The following OSBPL3 variants were observed in gnomAD, a reference collection of about 807,000 sequenced individuals.
OSBPL3 encodes oxysterol-binding protein-related protein 3.
OSBPL3 carries 65 observed loss-of-function variants against 120.1 expected under a neutral mutation model. The ratio of observed to expected loss-of-function variants is 0.54; its 90% CI spans 0.44 to 0.67. OSBPL3 has a LOEUF of 0.67. Among genes scored for constraint, OSBPL3 ranks in the 30% least tolerant of loss-of-function variants. The pLI, the probability that OSBPL3 is intolerant of heterozygous loss-of-function variation, is 0.00. For missense variants in OSBPL3, 1,004 were observed against 1,082.1 expected (o/e 0.93, Z 1.01); for synonymous variants, 416 against 402.6 (o/e 1.03, Z -0.40).
intron 1 of OSBPL3, among the ~76,000 whole-genome samples, chr7:24,928,753 G>T (rs1019087915): frequency 6.6e-6 from 1 of 152,024 alleles, no homozygotes; most frequent in African/African-American, 2.4e-5. Context: ...TTGTATTAAT[G>T]GAATCATACA....
chr7:24,913,192 A>G lies in OSBPL3; in HGVS notation c.-149-20571T>C, dbSNP rs1473263165. Among the ~76,000 whole-genome samples, 1 of 152,122 alleles carries G rather than the reference A, an allele frequency of 6.6e-6. No individual in the cohort carries two copies. The highest frequency in any genetic ancestry group is 1.5e-5 in the Non-Finnish European group (1 of 68,030). On this transcript the variant is annotated intron_variant, in intron 1 of 22. Transcript: ENST00000313367. The surrounding 1 kb of genome is among the most constrained non-coding windows in gnomAD (Gnocchi z 5.3). ...AATTAAAGATGTCAGGGATACATAA[A>G]TATTGTCATTAACCTACCAGTTCAT...
Position 24,883,391 on chromosome 7 carries a change from C to T in OSBPL3, c.96+8986G>A, listed in dbSNP as rs773014858. 2.2e-4 allele frequency among the ~76,000 whole-genome samples: 34 copies of T among 152,062 alleles called. No homozygotes were observed. The highest frequency in any genetic ancestry group is 4.6e-4 in the Non-Finnish European group (31 of 68,024). On this transcript the variant is annotated intron_variant, in intron 2 of 22. Transcript: ENST00000313367. The surrounding 1 kb of genome is among the most constrained non-coding windows in gnomAD (Gnocchi z 5.4). ...ATCAAATTACTGAAGCAGACTTTCC[C>T]CTCCCCAGGAAAGAGCTATTGAATC...
chr7:24,892,504 A>T lies in OSBPL3; in HGVS notation c.-32T>A. 1 of 1,605,248 alleles carries T rather than the reference A, an allele frequency of 6.2e-7. No individual in the cohort carries two copies. The highest frequency in any genetic ancestry group is 8.5e-7 in the Non-Finnish European group (1 of 1,173,378). On this transcript the variant is annotated 5_prime_UTR_variant, in exon 2 of 23. The change abolishes the stop of an existing upstream ORF in the 5' untranslated region. Coordinates refer to ENST00000313367, the MANE Select transcript of OSBPL3 (RefSeq NM_015550.4). The stretch of plus-strand genomic sequence containing the variant: ...CAAGTCACTTGGCCTCGAGACAATC[A>T]AAATGCCATCAGATGACAAGGGAGC...
chr7:24,897,088 G>T (rs1178376963), intron 1 of OSBPL3, among the ~76,000 whole-genome samples: 1 of 151,736 alleles, frequency 6.6e-6, no homozygotes, highest in African/African-American at 2.4e-5. Context: ...AAGAGAGGGA[G>T]GGAGGGAGGA....
At chr7:24,848,647 G>A (rs1798729685) in intron 12 of OSBPL3, among the ~76,000 whole-genome samples, 1 of 152,074 alleles carries the variant, frequency 6.6e-6, no homozygotes, top group Non-Finnish European at 1.5e-5. Flanking sequence ...AAAGGGAGAA[G>A]GGAACAGCCA....
At chr7:24,957,278 A>G (rs912526588) in intron 1 of OSBPL3, among the ~76,000 whole-genome samples, 1 of 152,178 alleles carries the variant, frequency 6.6e-6, no homozygotes, top group African/African-American at 2.4e-5. Flanking sequence ...TCAATTAAAA[A>G]AGCAAAAAAC....
intron 2 of OSBPL3, among the ~76,000 whole-genome samples, chr7:24,880,396 C>A (rs1022030449): frequency 6.6e-6 from 1 of 152,116 alleles, no homozygotes; most frequent in African/African-American, 2.4e-5. Flanking sequence ...CTGACCCTCC[C>A]CTACCAGTCC....
chr7:24,906,415 C>G (rs922578646), intron 1 of OSBPL3: 1 of 247,356 alleles, frequency 4.0e-6, no homozygotes, highest in Non-Finnish European at 8.3e-6. Context: ...GTAGGAGGAA[C>G]CTTTCCTTGT....
At chr7:24,929,575 A>G (rs563767894) in intron 1 of OSBPL3, among the ~76,000 whole-genome samples, 4 of 151,974 alleles carry the variant, frequency 2.6e-5, no homozygotes, top group Non-Finnish European at 5.9e-5. Flanking sequence ...ATTCTATTTC[A>G]TGCTATAATT....
At chr7:24,914,825 C>T (rs1469736218) in intron 1 of OSBPL3, among the ~76,000 whole-genome samples, 1 of 152,186 alleles carries the variant, frequency 6.6e-6, no homozygotes, top group Non-Finnish European at 1.5e-5. Context: ...ACAGGTACTA[C>T]AAACTGTGTC....
At chr7:24,888,888 C>G (rs932237616) in intron 2 of OSBPL3, among the ~76,000 whole-genome samples, 1 of 152,118 alleles carries the variant, frequency 6.6e-6, no homozygotes, top group African/African-American at 2.4e-5. Context: ...GGTCACCTGG[C>G]AATACTGGAT....
chr7:24,893,749 G>T (rs577263528), intron 1 of OSBPL3, among the ~76,000 whole-genome samples: 6 of 151,420 alleles, frequency 4.0e-5, no homozygotes, highest in South Asian at 4.2e-4. Flanking sequence ...GCGGCGGGGC[G>T]GGGGGGACGG....
Position 24,979,940 on chromosome 7 carries a change from G to A in OSBPL3, c.-204C>T. ...TAGTTCCCCGGGGCCGGGCTCCGGG[G>A]TTAGCGCACAGAACCGGGAGAAGGC... On this transcript the variant is annotated 5_prime_UTR_variant, in exon 1 of 23. Coordinates refer to ENST00000313367, the MANE Select transcript of OSBPL3 (RefSeq NM_015550.4). 1.0e-6 allele frequency: 1 copy of A among 985,264 alleles called. No homozygotes were observed. Among genetic ancestry groups the A allele is most frequent in the Non-Finnish European group, 1.2e-6 (1 of 829,992 alleles). The allele number at this position is 985,264 out of a possible 1,614,324, so 61.0% of individuals were successfully genotyped here. A position where few individuals can be genotyped will look rare whatever the true frequency, so the allele number is the denominator to read the frequency against.
intron 2 of OSBPL3, among the ~76,000 whole-genome samples, chr7:24,876,509 C>A (rs1802868090): frequency 6.6e-6 from 1 of 151,536 alleles, no homozygotes; most frequent in African/African-American, 2.4e-5. Context: ...TTTCAACTTG[C>A]TTAGAATCCT....
Position 24,977,555 on chromosome 7 carries a change from C to T in OSBPL3, c.-150+2331G>A, listed in dbSNP as rs142187645. Among the ~76,000 whole-genome samples, 80 of 44,722 alleles carry T rather than the reference C, an allele frequency of 1.8e-3. 1 individual carries two copies. The South Asian group carries it at 0.063, about 35-fold the overall frequency. The allele number at this position is 44,722 out of a possible 152,430, so 29.3% of individuals were successfully genotyped here. A position where few individuals can be genotyped will look rare whatever the true frequency, so the allele number is the denominator to read the frequency against. On this transcript the variant is annotated intron_variant, in intron 1 of 22. Transcript: ENST00000313367. ...AACCTCACAACAATGCCCAGCAAGA[C>T]GGTGAAAATTAAGCTTACGGGCAGG...
At position 24,939,757 on chromosome 7, in the gene OSBPL3, A is replaced by C. The variant is rs1313832099; in HGVS notation, c.-150+40129T>G. 1.3e-5 allele frequency among the ~76,000 whole-genome samples: 2 copies of C among 152,220 alleles called. No individual in the cohort carries two copies. The highest frequency in any genetic ancestry group is 1.3e-4 in the Admixed American group (2 of 15,290). ...ATCAAGAGGCCTTGGGAGACAGTGA[A>C]GATTTAGAATGGAATGACCCAGTTC... On this transcript the variant is annotated intron_variant, in intron 1 of 22. Coordinates refer to ENST00000313367, the MANE Select transcript of OSBPL3 (RefSeq NM_015550.4). This position sits in a 1 kb window ranked among gnomAD's most constrained non-coding sequence, Gnocchi z 4.2.
rs139397938 is a variant in OSBPL3 at position 24,899,288 on chromosome 7, T to C, written c.-149-6667A>G. On this transcript the variant is annotated intron_variant, in intron 1 of 22. Coordinates refer to ENST00000313367, the MANE Select transcript of OSBPL3 (RefSeq NM_015550.4). This position sits in a 1 kb window ranked among gnomAD's most constrained non-coding sequence, Gnocchi z 4.0. ...ACAATCTTCCTGGCCTCAACCACACTGCAACTGTTAATACTGCTGGATTTG... is the reference window on the plus strand; with the variant it reads ...ACAATCTTCCTGGCCTCAACCACACCGCAACTGTTAATACTGCTGGATTTG... Among the ~76,000 whole-genome samples, 336 of 152,320 alleles carry C rather than the reference T, an allele frequency of 2.2e-3. No homozygotes were observed. The highest frequency in any genetic ancestry group is 7.8e-3 in the African/African-American group (324 of 41,564).
chr7:24,834,303 T>C lies in OSBPL3; in HGVS notation c.1746+183A>G. 6.9e-7 allele frequency: 1 copy of C among 1,444,240 alleles called. No individual in the cohort carries two copies. The highest frequency in any genetic ancestry group is 9.1e-7 in the Non-Finnish European group (1 of 1,095,586). The allele number at this position is 1,444,240 out of a possible 1,614,324, so 89.5% of individuals were successfully genotyped here. A position where few individuals can be genotyped will look rare whatever the true frequency, so the allele number is the denominator to read the frequency against. ...GCACCCCAACCCCGTCTCCAAATCC[T>C]CACAAGGTGACTGGAAACAGCCAGG... On this transcript the variant is annotated intron_variant, in intron 15 of 22. Coordinates refer to ENST00000313367, the MANE Select transcript of OSBPL3 (RefSeq NM_015550.4). The surrounding 1 kb of genome is among the most constrained non-coding windows in gnomAD (Gnocchi z 5.2).
At chr7:24,949,147 C>T (rs1188415123) in intron 1 of OSBPL3, among the ~76,000 whole-genome samples, 1 of 152,180 alleles carries the variant, frequency 6.6e-6, no homozygotes, top group Non-Finnish European at 1.5e-5. Flanking sequence ...TATCAATTTG[C>T]TTATTCACGT....
Sources: allele counts gnomAD v4.1 joint callset (sites outside exome capture counted in the v4.1 genomes callset), GRCh38; gene constraint gnomAD v4.1.1; non-coding constraint Gnocchi (gnomAD v3.1); transcripts MANE v1.5; gene names NCBI Gene and HGNC (gene_info 2026-07-23, HGNC 2026-07-21).